Variants in STAU1 observed in about 807,000 individuals in gnomAD.
The protein encoded by STAU1 is staufen double-stranded RNA binding protein 1, also known as double-stranded RNA-binding protein Staufen homolog 1.
Under a neutral mutation model 62.9 loss-of-function variants are expected in STAU1, and 13 were observed. The ratio of observed to expected loss-of-function variants is 0.21; its 90% CI spans 0.13 to 0.33. The LOEUF is 0.33. Ranked by LOEUF, STAU1 falls within the 10% of genes least tolerant of loss-of-function variation. The pLI is 1.00. For missense variants in STAU1, 571 were observed against 712.1 expected (o/e 0.80, Z 2.25); for synonymous variants, 269 against 265.1 (o/e 1.01, Z -0.14).
intron 5 of STAU1, among the ~76,000 whole-genome samples, chr20:49,147,297 C>A (rs939905254): frequency 6.6e-6 from 1 of 152,196 alleles, no homozygotes; most frequent in Admixed American, 6.5e-5. Context: ...AAAGGGATGG[C>A]GCTGACTGTT....
At chr20:49,158,394 T>C in intron 3 of STAU1, 1 of 1,253,948 alleles carries the variant, frequency 8.0e-7, no homozygotes, top group Non-Finnish European at 1.1e-6. Flanking sequence ...TCAGTATGTC[T>C]AGGTCATTTA....
At chr20:49,175,244 T>C (rs1383581426) in intron 1 of STAU1, among the ~76,000 whole-genome samples, 1 of 151,362 alleles carries the variant, frequency 6.6e-6, no homozygotes, top group East Asian at 2.0e-4. Context: ...GGCACAAAAA[T>C]GGCTTGAATG....
chr20:49,207,276 C>T, the STAU1 span, among the ~76,000 whole-genome samples: 1 of 151,788 alleles, frequency 6.6e-6, no homozygotes, highest in Non-Finnish European at 1.5e-5. Context: ...CCCTTATGAG[C>T]ACCTGCCAAG....
In STAU1 at chr20:49,166,305, G is replaced by C; in HGVS notation, c.-84-20C>G. 1 of 1,025,468 alleles carries C rather than the reference G, an allele frequency of 9.8e-7. No individual in the cohort carries two copies. The highest frequency in any genetic ancestry group is 1.6e-5 in the South Asian group (1 of 63,682). The allele number at this position is 1,025,468 out of a possible 1,614,324, so 63.5% of individuals were successfully genotyped here. On this transcript the variant is annotated intron_variant, in intron 2 of 13. Transcript: ENST00000371856. Reference sequence around the variant, plus strand: ...TTCTACCTAAAAGTTGTAAGGGAAAGAAAATAAAAAGGTAAATTATAGAGG... The same window carrying C: ...TTCTACCTAAAAGTTGTAAGGGAAACAAAATAAAAAGGTAAATTATAGAGG...
At chr20:49,175,677 C>A (rs1308986439) in intron 1 of STAU1, among the ~76,000 whole-genome samples, 1 of 151,152 alleles carries the variant, frequency 6.6e-6, no homozygotes, top group Non-Finnish European at 1.5e-5. Flanking sequence ...GTAGAAATGG[C>A]AGGGTTTTGC....
chr20:49,140,131 A>G (rs1030119348), intron 5 of STAU1, among the ~76,000 whole-genome samples: 2 of 152,114 alleles, frequency 1.3e-5, no homozygotes, highest in African/African-American at 4.8e-5. Flanking sequence ...GGTTGCAGTG[A>G]GCCGAGATCA....
chr20:49,196,564 A>G, the STAU1 span, among the ~76,000 whole-genome samples: 1 of 152,088 alleles, frequency 6.6e-6, no homozygotes, highest in East Asian at 1.9e-4. Context: ...AGGCCGGCAG[A>G]TCTCCTGAGC....
intron 2 of STAU1, among the ~76,000 whole-genome samples, chr20:49,171,121 A>ATT: frequency 6.6e-6 from 1 of 152,226 alleles, no homozygotes; most frequent in African/African-American, 2.4e-5. Context: ...TTCAGCAATC[A>ATT]CATGTAAATC....
chr20:49,125,215 A>AAAAAAAAC (rs2145899818), intron 6 of STAU1, among the ~76,000 whole-genome samples: 1 of 146,832 alleles, frequency 6.8e-6, no homozygotes, highest in South Asian at 2.1e-4. Flanking sequence ...AAAAAAAAAA[A>AAAAAAAAC]AAAAAAAAAC....
At chr20:49,174,075 ATTTG>A (rs1158001801) in intron 2 of STAU1, 116 bp downstream of exon 2, 1 of 152,208 alleles carries the variant, frequency 6.6e-6, no homozygotes, top group Non-Finnish European at 1.5e-5. Context: ...ACTGCATAAA[ATTTG>A]TTTCTCTAAT....
chr20:49,146,316 A>C (rs1204072232), intron 5 of STAU1, among the ~76,000 whole-genome samples: 1 of 152,148 alleles, frequency 6.6e-6, no homozygotes, highest in Non-Finnish European at 1.5e-5. Flanking sequence ...CTTTACTCCT[A>C]ATTAAGTATG....
At chr20:49,189,082 G>A (rs1231482512), upstream of STAU1, among the ~76,000 whole-genome samples, 1 of 151,188 alleles carries the variant, frequency 6.6e-6, no homozygotes, top group Non-Finnish European at 1.5e-5. Context: ...GCGCCTGTAG[G>A]TAAACAGCTA....
the STAU1 span, among the ~76,000 whole-genome samples, chr20:49,205,888 G>A: frequency 0.11 from 16,015 of 150,828 alleles, 992 homozygotes; most frequent in Non-Finnish European, 0.13. Context: ...TGGTCAGGCT[G>A]GTCTCAAACT....
chr20:49,195,904 A>AAAAAAGAAAAAAAAAG, the STAU1 span, among the ~76,000 whole-genome samples: 1 of 95,278 alleles, frequency 1.0e-5, no homozygotes, highest in Non-Finnish European at 2.3e-5. Context: ...CTCTCAAAAA[A>AAAAAAGAAAAAAAAAG]AAAAAAAAAA....
chr20:49,194,442 A>G, the STAU1 span, among the ~76,000 whole-genome samples: 1 of 148,970 alleles, frequency 6.7e-6, no homozygotes, highest in Non-Finnish European at 1.5e-5. Flanking sequence ...AAAAAAAAAA[A>G]AAAAAGAAAA....
At chr20:49,115,056 G>T (rs143306903) in intron 13 of STAU1, among the ~76,000 whole-genome samples, 163 bp from the exon 14 acceptor site, 4 of 152,006 alleles carry the variant, frequency 2.6e-5, no homozygotes, top group Admixed American at 2.6e-4. Flanking sequence ...AGTAAAATAC[G>T]CAAGGAGAGT....
the STAU1 span, among the ~76,000 whole-genome samples, chr20:49,215,941 GAGGTTGCAGTGAGCCA>G: frequency 7.5e-6 from 1 of 133,246 alleles, no homozygotes; most frequent in Non-Finnish European, 1.5e-5. Context: ...CCAGGAGGCA[GAGGTTGCAGTGAGCCA>G]AGGTTGCACC....
rs2092429882 is a variant in STAU1, at chr20:49,120,103, T to C, written c.992A>G (p.Glu331Gly). 1 of 1,614,084 alleles carries C rather than the reference T, an allele frequency of 6.2e-7. No homozygotes were observed. Among genetic ancestry groups the C allele is most frequent in the Non-Finnish European group, 8.5e-7 (1 of 1,179,948 alleles). The change falls in exon 9 of 14, where the codon GAA becomes GGA. Residue 331 changes from glutamate to glycine, a missense_variant. By Grantham distance (98) the Glu-to-Gly change is moderately conservative (BLOSUM62 -2). Coordinates refer to ENST00000371856, the MANE Select transcript of STAU1 (RefSeq NM_017453.4). ...CACCTTCTTGTTGGTGCCCGTTCCT[T>C]CTGCAGTGTGGTTTCCAACCTTCAC... ...MQVKVGNHTA[E>G]GTGTNKKVAK...
chr20:49,160,955 A>G (rs761994210), intron 3 of STAU1, among the ~76,000 whole-genome samples: 1 of 152,254 alleles, frequency 6.6e-6, no homozygotes, highest in East Asian at 1.9e-4. Context: ...CTTACGGGCA[A>G]TCAATCACAG....
Sources: allele counts gnomAD v4.1 joint callset (sites outside exome capture counted in the v4.1 genomes callset), GRCh38; gene constraint gnomAD v4.1.1; transcripts MANE v1.5; gene names NCBI Gene and HGNC (gene_info 2026-07-23, HGNC 2026-07-21).